RANBP2: variants seen among roughly 807,000 people sequenced by gnomAD.
RANBP2 encodes RAN binding protein 2, also known as E3 SUMO-protein ligase RanBP2.
Under a neutral mutation model 303.6 loss-of-function variants are expected in RANBP2, and 57 were observed. The ratio of observed to expected loss-of-function variants is 0.19; its 90% CI spans 0.15 to 0.23. RANBP2 has a LOEUF of 0.23. Ranked by LOEUF, RANBP2 falls within the 10% of genes least tolerant of loss-of-function variation. The pLI is 1.00. For missense variants in RANBP2, 3,138 were observed against 3,780.8 expected (o/e 0.83, Z 4.46); for synonymous variants, 1,167 against 1,301.5 (o/e 0.90, Z 2.23).
chr2:109,204,230 G>A, the RANBP2 span, among the ~76,000 whole-genome samples: 1 of 152,006 alleles, frequency 6.6e-6, no homozygotes, highest in Non-Finnish European at 1.5e-5. Context: ...GTCTGTCTTG[G>A]GTGAACCATG....
chr2:109,527,244 G>C, the RANBP2 span, among the ~76,000 whole-genome samples: 2 of 152,204 alleles, frequency 1.3e-5, no homozygotes, highest in Non-Finnish European at 2.9e-5. Context: ...CACTGTGCTG[G>C]TCCTGGAGAC....
chr2:109,407,470 C>G, the RANBP2 span, among the ~76,000 whole-genome samples: 1 of 152,104 alleles, frequency 6.6e-6, no homozygotes, highest in Admixed American at 6.5e-5. Context: ...ATCTCTGCCA[C>G]AGGACAGACA....
the RANBP2 span, among the ~76,000 whole-genome samples, chr2:109,512,709 G>A: frequency 2.6e-5 from 4 of 152,132 alleles, no homozygotes; most frequent in South Asian, 4.1e-4. Flanking sequence ...GCACCCTGGA[G>A]AGCCCTCAGG....
the RANBP2 span, among the ~76,000 whole-genome samples, chr2:109,167,036 G>A: frequency 5.9e-5 from 9 of 152,262 alleles, no homozygotes; most frequent in South Asian, 1.9e-3. Context: ...ACCACTCATC[G>A]GTGTCCCGTG....
the RANBP2 span, among the ~76,000 whole-genome samples, chr2:109,632,801 A>G: frequency 6.6e-6 from 1 of 151,618 alleles, no homozygotes; most frequent in South Asian, 2.1e-4. Context: ...CCTGGGCAAC[A>G]GAGCGAGACT....
chr2:109,263,254 T>C, the RANBP2 span, among the ~76,000 whole-genome samples: 1 of 152,258 alleles, frequency 6.6e-6, no homozygotes, highest in African/African-American at 2.4e-5. Context: ...TTTATGTTGG[T>C]TTAAATTATT....
downstream of RANBP2, chr2:108,788,121 CA>C: frequency 1.3e-6 from 2 of 1,589,180 alleles, no homozygotes; most frequent in South Asian, 1.2e-5. Flanking sequence ...TTGGGGGTTT[CA>C]AAAATTTAAT....
At chr2:109,188,338 C>T in the RANBP2 span, among the ~76,000 whole-genome samples, 1 of 152,206 alleles carries the variant, frequency 6.6e-6, no homozygotes, top group African/African-American at 2.4e-5. Context: ...AGCGTGGTCT[C>T]TTGGTCCTGT....
chr2:109,249,498 TTTCTTTCTTTCA>T, the RANBP2 span, among the ~76,000 whole-genome samples: 1,209 of 28,044 alleles, frequency 0.043, 23 homozygotes, highest in Admixed American at 0.049. Flanking sequence ...TCTTTCTTTC[TTTCTTTCTTTCA>T]TTCTTTCTTT....
chr2:109,613,055 T>A, the RANBP2 span: 1 of 557,800 alleles, frequency 1.8e-6, no homozygotes, highest in Non-Finnish European at 3.1e-6. Context: ...AGGGAGAATT[T>A]GTTTTTAAGA....
At chr2:108,930,159 C>G in the RANBP2 span, 8 of 1,614,040 alleles carry the variant, frequency 5.0e-6, no homozygotes, top group Admixed American at 1.3e-4. Context: ...GGGGGCACTC[C>G]TGGCACAGCC....
At chr2:109,715,517 A>G in the RANBP2 span, among the ~76,000 whole-genome samples, 1 of 152,310 alleles carries the variant, frequency 6.6e-6, no homozygotes, top group South Asian at 2.1e-4. Flanking sequence ...GAGGTGCACC[A>G]GGCAAGGTGT....
chr2:109,652,374 C>T, the RANBP2 span, among the ~76,000 whole-genome samples: 1 of 151,524 alleles, frequency 6.6e-6, no homozygotes, highest in African/African-American at 2.4e-5. Flanking sequence ...AGGCACCCGC[C>T]ACCACGCCCG....
intron 7 of RANBP2, among the ~76,000 whole-genome samples, chr2:108,744,674 C>CAA (rs1344489815): frequency 6.6e-6 from 1 of 152,102 alleles, no homozygotes; most frequent in Non-Finnish European, 1.5e-5. Context: ...TTCTAAAATT[C>CAA]AAAATCAGAA....
the RANBP2 span, among the ~76,000 whole-genome samples, chr2:109,285,946 C>T: frequency 7.9e-5 from 12 of 152,158 alleles, no homozygotes; most frequent in South Asian, 6.2e-4. Context: ...CTCTTTTCTG[C>T]CCTGGGTTCT....
At chr2:109,627,367 T>G in the RANBP2 span, among the ~76,000 whole-genome samples, 1 of 152,258 alleles carries the variant, frequency 6.6e-6, no homozygotes, top group South Asian at 2.1e-4. Context: ...TGGCTGATTT[T>G]TGTATTTTTA....
At chr2:108,997,840 G>C in the RANBP2 span, among the ~76,000 whole-genome samples, 5 of 152,094 alleles carry the variant, frequency 3.3e-5, no homozygotes, top group African/African-American at 1.2e-4. Context: ...GCAGTGAGCC[G>C]AGATCGCGCC....
At chr2:109,022,568 G>T in the RANBP2 span, among the ~76,000 whole-genome samples, 1 of 152,144 alleles carries the variant, frequency 6.6e-6, no homozygotes, top group African/African-American at 2.4e-5. Context: ...CATGGACATG[G>T]AGAGTGGAAT....
chr2:108,793,717 C>T, the RANBP2 span, among the ~76,000 whole-genome samples: 1 of 151,936 alleles, frequency 6.6e-6, no homozygotes, highest in African/African-American at 2.4e-5. Context: ...CTGCCTCAGC[C>T]TCCCGAGTAG....
Sources: gnomAD v4.1 joint callset for allele counts (sites outside exome capture counted in the v4.1 genomes callset) on GRCh38, gnomAD v4.1.1 for gene constraint, MANE v1.5 for transcripts, NCBI Gene and HGNC (gene_info 2026-07-23, HGNC 2026-07-21) for gene names.